The following ZNF618 variants were observed in gnomAD, a reference collection of about 807,000 sequenced individuals.
The protein encoded by ZNF618 is zinc finger protein 618.
A neutral mutation model predicts 103.0 loss-of-function variants in ZNF618; 34 were observed. The ratio of observed to expected loss-of-function variants is 0.33; its 90% CI spans 0.25 to 0.44. The LOEUF (loss-of-function observed/expected upper bound fraction) is 0.44. Among genes scored for constraint, ZNF618 ranks in the 20% least tolerant of loss-of-function variants. The pLI is 1.00. For missense variants in ZNF618, 1,059 were observed against 1,295.4 expected, an observed-to-expected ratio of 0.82 and a Z score of 2.80; for synonymous variants, 551 against 542.2, an observed-to-expected ratio of 1.02 and a Z score of -0.23.
Position 113,984,012 on chromosome 9 carries a change from T to A in ZNF618, c.78-4309T>A, listed in dbSNP as rs182801706. Reference sequence around the variant, plus strand: ...TACCATATTTATGGAGCACCTAATATAGGCCTACTGGATGCTGGGTATAAG... The same window carrying A: ...TACCATATTTATGGAGCACCTAATAAAGGCCTACTGGATGCTGGGTATAAG... On this transcript the variant is annotated intron_variant, in intron 2 of 14. Coordinates refer to ENST00000374126, the MANE Select transcript of ZNF618 (RefSeq NM_001318042.2). Among the ~76,000 whole-genome samples, 54 of 152,298 alleles carry A rather than the reference T, an allele frequency of 3.5e-4. 1 individual carries two copies. In the South Asian group the frequency reaches 0.011, roughly 31 times the overall value.
intron 1 of ZNF618, among the ~76,000 whole-genome samples, chr9:113,898,485 G>T (rs1004625129): frequency 7.0e-6 from 1 of 143,420 alleles, no homozygotes; most frequent in African/African-American, 2.6e-5. Flanking sequence ...TTGTCACCCA[G>T]CCTGGATCAT....
intron 10 of ZNF618, among the ~76,000 whole-genome samples, chr9:114,022,481 A>G (rs1201542852): frequency 6.6e-6 from 1 of 151,934 alleles, no homozygotes; most frequent in Admixed American, 6.6e-5. Context: ...ATTGACTTCT[A>G]ACTTAATTCC....
In ZNF618 at chr9:113,889,347, T is replaced by TCTCTCTCTCTCTC. The variant is rs1477289947; in HGVS notation, c.33+12934_33+12935insCTCTCTCTCTCTC. On this transcript the variant is annotated intron_variant, in intron 1 of 14. Transcript: ENST00000374126. ...TCTCTCTCTCTCTCTCTCTCTCTCT[T>TCTCTCTCTCTCTC]TCTCTCCCTCCCTCTCCATGTGTGG... 1.4e-3 allele frequency among the ~76,000 whole-genome samples: 151 copies of TCTCTCTCTCTCTC among 104,186 alleles called. 1 individual carries two copies. The highest frequency in any genetic ancestry group is 4.2e-3 in the African/African-American group (127 of 30,520). The allele number at this position is 104,186 out of a possible 152,430, so 68.4% of individuals were successfully genotyped here. A position where few individuals can be genotyped will look rare whatever the true frequency, so the allele number is the denominator to read the frequency against.
intron 1 of ZNF618, among the ~76,000 whole-genome samples, chr9:113,878,989 A>T (rs755973952): frequency 2.6e-5 from 4 of 151,878 alleles, no homozygotes; most frequent in African/African-American, 4.8e-5. Context: ...TCACATTCTG[A>T]CATATTTGGA....
intron 1 of ZNF618, among the ~76,000 whole-genome samples, chr9:113,921,384 T>C (rs1832629167): frequency 6.6e-6 from 1 of 152,264 alleles, no homozygotes; most frequent in South Asian, 2.1e-4. Context: ...CTGGTTTCAC[T>C]GAGTGGAAGG....
chr9:114,022,105 G>T (rs1843123476), intron 10 of ZNF618, among the ~76,000 whole-genome samples: 1 of 152,176 alleles, frequency 6.6e-6, no homozygotes, highest in African/African-American at 2.4e-5. Context: ...TTTCTCTTGG[G>T]TAATTACCTA....
chr9:113,938,171 T>TG (rs1345926761), intron 1 of ZNF618, among the ~76,000 whole-genome samples: 2 of 142,446 alleles, frequency 1.4e-5, no homozygotes, highest in East Asian at 4.0e-4. Context: ...TCCTGTTTTT[T>TG]TTTTTTTTTT....
chr9:113,998,220 C>T (rs1465269123), intron 3 of ZNF618, 39 bp from the exon 4 acceptor site: 2 of 1,543,708 alleles, frequency 1.3e-6, no homozygotes, highest in Non-Finnish European at 1.8e-6. Context: ...AGGCATTCTC[C>T]AACTTTAAGG....
At chr9:113,893,635 C>T (rs535497473) in intron 1 of ZNF618, among the ~76,000 whole-genome samples, 3 of 152,132 alleles carry the variant, frequency 2.0e-5, no homozygotes, top group East Asian at 3.9e-4. Context: ...AGCCATTTTT[C>T]AAGACTACAT....
At chr9:114,016,100 A>G (rs1370066277) in intron 9 of ZNF618, 51 of 1,596,556 alleles carry the variant, frequency 3.2e-5, no homozygotes, top group Admixed American at 5.0e-5. Flanking sequence ...AGTATTTTAT[A>G]ATTTTCCCCC....
chr9:113,980,926 T>C (rs775066649), intron 2 of ZNF618, among the ~76,000 whole-genome samples: 2 of 152,170 alleles, frequency 1.3e-5, no homozygotes, highest in Non-Finnish European at 2.9e-5. Flanking sequence ...CAACAGCCCA[T>C]TGGACTTAAC....
chr9:113,950,871 C>T (rs1835499879), intron 1 of ZNF618, among the ~76,000 whole-genome samples: 1 of 149,606 alleles, frequency 6.7e-6, no homozygotes, highest in Non-Finnish European at 1.5e-5. Flanking sequence ...GTTGGCCAGG[C>T]AGTGAGTGTG....
chr9:113,987,368 C>T (rs1335377792), intron 2 of ZNF618, among the ~76,000 whole-genome samples: 3 of 152,150 alleles, frequency 2.0e-5, no homozygotes, highest in Admixed American at 6.5e-5. Flanking sequence ...CCTTAGTGTC[C>T]CCCTCATGAG....
intron 6 of ZNF618, among the ~76,000 whole-genome samples, chr9:114,006,359 G>A (rs190536147): frequency 4.6e-5 from 7 of 152,276 alleles, no homozygotes; most frequent in Admixed American, 1.3e-4. Context: ...TCCCCACACC[G>A]GGCAGCCTTG....
chr9:113,936,261 C>A (rs971190480), intron 1 of ZNF618, among the ~76,000 whole-genome samples: 3 of 152,186 alleles, frequency 2.0e-5, no homozygotes, highest in African/African-American at 7.2e-5. Flanking sequence ...ATGGGCCACT[C>A]ACTCCCAGAA....
At chr9:113,951,531 G>GTGTATACATTTACACATA (rs1588134363) in intron 1 of ZNF618, among the ~76,000 whole-genome samples, 1 of 25,182 alleles carries the variant, frequency 4.0e-5, no homozygotes, top group East Asian at 2.3e-3. Context: ...GTACACATAT[G>GTGTATACATTTACACATA]TGTGTACATA....
chr9:114,001,306 G>A (rs918904697), intron 4 of ZNF618, among the ~76,000 whole-genome samples: 13 of 151,118 alleles, frequency 8.6e-5, no homozygotes, highest in Admixed American at 6.6e-4. Context: ...ACACCATGTC[G>A]GTCTCTGTGT....
At chr9:113,907,137 C>T (rs570787652) in intron 1 of ZNF618, among the ~76,000 whole-genome samples, 8 of 152,264 alleles carry the variant, frequency 5.3e-5, no homozygotes, top group South Asian at 2.1e-4. Flanking sequence ...GATCACAGTG[C>T]GAGGATGGTG....
At chr9:114,016,524 C>T (rs1842659840) in intron 9 of ZNF618, among the ~76,000 whole-genome samples, 171 bp from the exon 10 acceptor site, 1 of 152,010 alleles carries the variant, frequency 6.6e-6, no homozygotes, top group Admixed American at 6.6e-5. Context: ...TTACCCAGCT[C>T]GAAATGTCTG....
Sources: gnomAD v4.1 joint callset for allele counts (sites outside exome capture counted in the v4.1 genomes callset) on GRCh38, gnomAD v4.1.1 for gene constraint, MANE v1.5 for transcripts, NCBI Gene and HGNC (gene_info 2026-07-23, HGNC 2026-07-21) for gene names.